PWWP2A: variants seen among roughly 807,000 people sequenced by gnomAD.
PWWP2A encodes PWWP domain-containing protein 2A.
Under a neutral mutation model 48.5 loss-of-function variants are expected in PWWP2A, and 18 were observed. That is an observed-to-expected ratio of 0.37 (90% confidence interval 0.26 to 0.55). PWWP2A has a LOEUF of 0.55. Ranked by LOEUF, PWWP2A falls within the 20% of genes least tolerant of loss-of-function variation. The probability of loss-of-function intolerance (pLI) is 0.81; values close to 1 mark genes in which losing one functional copy is unlikely to be tolerated. For missense variants in PWWP2A, 867 were observed against 976.4 expected (o/e 0.89, Z 1.49); for synonymous variants, 396 against 387.7 (o/e 1.02, Z -0.25).
the PWWP2A span, among the ~76,000 whole-genome samples, chr5:160,055,692 G>A: frequency 6.6e-6 from 1 of 152,220 alleles, no homozygotes; most frequent in Non-Finnish European, 1.5e-5. Flanking sequence ...TGACCCTGAT[G>A]AGTTGAGAGA....
chr5:160,112,937 A>G (rs113855533), intron 1 of PWWP2A, among the ~76,000 whole-genome samples: 1,949 of 152,274 alleles, frequency 0.013, 47 homozygotes, highest in African/African-American at 0.045. Context: ...GAGGAGGATT[A>G]CCTGAGGTCA....
At chr5:160,080,365 T>A (rs1754142582) in intron 3 of PWWP2A, among the ~76,000 whole-genome samples, 1 of 152,222 alleles carries the variant, frequency 6.6e-6, no homozygotes, top group Non-Finnish European at 1.5e-5. Context: ...GACATAATTC[T>A]GCAAGGTCAC....
At chr5:160,085,449 G>A (rs906745455) in intron 2 of PWWP2A, among the ~76,000 whole-genome samples, 1 of 151,484 alleles carries the variant, frequency 6.6e-6, no homozygotes, top group Non-Finnish European at 1.5e-5. Flanking sequence ...TTTTAATGAT[G>A]GTTTCTGGTT....
At chr5:160,069,236 G>A (rs962291413) in intron 2 of PWWP2A, among the ~76,000 whole-genome samples, 1 of 151,786 alleles carries the variant, frequency 6.6e-6, no homozygotes, top group Admixed American at 6.6e-5. Context: ...AGTGAACTGA[G>A]ATCATGCCAC....
At chr5:160,048,203 A>C in the PWWP2A span, among the ~76,000 whole-genome samples, 6 of 129,156 alleles carry the variant, frequency 4.6e-5, no homozygotes, top group Non-Finnish European at 9.2e-5. Context: ...GCTGGAGTAC[A>C]GTGATGCAAT....
chr5:160,048,016 C>A, the PWWP2A span, among the ~76,000 whole-genome samples: 3 of 150,590 alleles, frequency 2.0e-5, no homozygotes, highest in Non-Finnish European at 4.4e-5. Context: ...CAGAGACATA[C>A]TACATTGGAC....
chr5:160,103,911 C>G (rs1018648054), intron 1 of PWWP2A, among the ~76,000 whole-genome samples: 3 of 151,722 alleles, frequency 2.0e-5, no homozygotes, highest in African/African-American at 7.3e-5. Context: ...CACTTGAGAC[C>G]AGGAGTTCAA....
At chr5:160,102,552 TA>T (rs1307158918) in intron 1 of PWWP2A, among the ~76,000 whole-genome samples, 3 of 151,830 alleles carry the variant, frequency 2.0e-5, no homozygotes, top group Admixed American at 1.3e-4. Flanking sequence ...AGTAAAAAAT[TA>T]AAATATGAAA....
chr5:160,059,634 A>G (rs1237192553), downstream of PWWP2A, among the ~76,000 whole-genome samples: 1 of 152,190 alleles, frequency 6.6e-6, no homozygotes, highest in African/African-American at 2.4e-5. Flanking sequence ...GGGAAGAGGG[A>G]AGCCTGAGGA....
At chr5:160,063,869 T>C (rs1400130709) in intron 4 of PWWP2A, among the ~76,000 whole-genome samples, 1 of 151,866 alleles carries the variant, frequency 6.6e-6, no homozygotes, top group Non-Finnish European at 1.5e-5. Context: ...CTTGAACTCC[T>C]GGGCTCAAAC....
chr5:160,088,265 C>A (rs1754796704), downstream of PWWP2A, among the ~76,000 whole-genome samples: 1 of 152,148 alleles, frequency 6.6e-6, no homozygotes, highest in African/African-American at 2.4e-5. Flanking sequence ...CACTCTGTCA[C>A]CCAGGCTGGA....
At chr5:160,100,922 T>C (rs34782369) in intron 1 of PWWP2A, among the ~76,000 whole-genome samples, 1,908 of 152,324 alleles carry the variant, frequency 0.013, 22 homozygotes, top group Middle Eastern at 0.075. Flanking sequence ...CAAAGAGATA[T>C]TAGCCAAAAA....
chr5:160,108,567 A>G (rs569697563), intron 1 of PWWP2A: 1 of 1,287,426 alleles, frequency 7.8e-7, no homozygotes, highest in Non-Finnish European at 1.0e-6. Flanking sequence ...ATGGCTGTAT[A>G]TTTTTCCCAC....
intron 1 of PWWP2A, chr5:160,116,834 T>C: frequency 1.1e-5 from 11 of 971,768 alleles, no homozygotes; most frequent in Non-Finnish European, 1.3e-5. Flanking sequence ...GGCTCATGCC[T>C]GTAATCTCAG....
chr5:160,094,078 T>C lies in PWWP2A; in HGVS notation c.585-13A>G, dbSNP rs1365238890. 1 of 1,559,834 alleles carries C rather than the reference T, an allele frequency of 6.4e-7. No homozygotes were observed. The highest frequency in any genetic ancestry group is 2.0e-5 in the Admixed American group (1 of 50,290). On this transcript the variant is annotated splice_polypyrimidine_tract_variant and intron_variant, in intron 1 of 1. Coordinates refer to ENST00000307063, the MANE Select transcript of PWWP2A (RefSeq NM_001130864.2). Reference sequence around the variant, plus strand: ...ATGGGGCCCAAACCTTTGAAAGAAATGGAAGAAAAAAAGAAGACATTAAGT... The same window carrying C: ...ATGGGGCCCAAACCTTTGAAAGAAACGGAAGAAAAAAAGAAGACATTAAGT...
intron 4 of PWWP2A, among the ~76,000 whole-genome samples, chr5:160,064,249 G>A (rs1017561571): frequency 1.3e-5 from 2 of 152,148 alleles, no homozygotes; most frequent in East Asian, 1.9e-4. Context: ...GATTACAGGC[G>A]TGAGCCACCA....
chr5:160,078,227 A>T lies in PWWP2A; in HGVS notation c.1670-59T>A. 7.5e-7 allele frequency: 1 copy of T among 1,332,552 alleles called. No homozygotes were observed. Among genetic ancestry groups the T allele is most frequent in the Non-Finnish European group, 1.1e-6 (1 of 948,304 alleles). 82.5% of individuals were successfully genotyped at this position (1,332,552 alleles called of 1,614,324 possible). On this transcript the variant is annotated intron_variant, in intron 3 of 3. Coordinates refer to the PWWP2A transcript ENST00000456329. This position sits in a 1 kb window ranked among gnomAD's most constrained non-coding sequence, Gnocchi z 4.2. ...GTTAAGCACAAGTAATTATATGAGGAAAATGATGTCCTTGTTGTTTAAGCC... is the reference window on the plus strand; with the variant it reads ...GTTAAGCACAAGTAATTATATGAGGTAAATGATGTCCTTGTTGTTTAAGCC...
intron 2 of PWWP2A, among the ~76,000 whole-genome samples, chr5:160,070,322 A>C (rs562356415): frequency 1.3e-3 from 205 of 152,140 alleles, no homozygotes; most frequent in Non-Finnish European, 2.2e-3. Context: ...ATGTTTTAAA[A>C]CCAAGCAAGG....
chr5:160,051,359 C>G, the PWWP2A span, among the ~76,000 whole-genome samples: 1 of 151,964 alleles, frequency 6.6e-6, no homozygotes, highest in Non-Finnish European at 1.5e-5. Flanking sequence ...AGGGTATTGG[C>G]TTTTTTTGGA....
Sources: allele counts gnomAD v4.1 joint callset (sites outside exome capture counted in the v4.1 genomes callset), GRCh38; gene constraint gnomAD v4.1.1; non-coding constraint Gnocchi (gnomAD v3.1); transcripts MANE v1.5; gene names NCBI Gene and HGNC (gene_info 2026-07-23, HGNC 2026-07-21).